Variants in CYTH3 observed in about 807,000 individuals in gnomAD.
CYTH3 encodes cytohesin-3.
Under a neutral mutation model 55.1 loss-of-function variants are expected in CYTH3, and 23 were observed. The observed-to-expected ratio is 0.42, with a 90% CI of 0.30 to 0.59. CYTH3 has a LOEUF of 0.59. Ranked by LOEUF, CYTH3 falls within the 20% of genes least tolerant of loss-of-function variation. The pLI, the probability that CYTH3 is intolerant of heterozygous loss-of-function variation, is 0.20. For missense variants in CYTH3, 413 were observed against 524.8 expected (o/e 0.79, Z 2.08); for synonymous variants, 249 against 194.9 (o/e 1.28, Z -2.31).
intron 9 of CYTH3, among the ~76,000 whole-genome samples, chr7:6,168,538 G>A (rs1226716194): frequency 6.6e-6 from 1 of 152,098 alleles, no homozygotes; most frequent in East Asian, 1.9e-4. Flanking sequence ...ACAGGGTGCT[G>A]GGAGAGGACA....
rs144116589 is a variant in CYTH3 at position 6,165,275 on chromosome 7, G to T, written c.1125C>A (p.Ile375=). 6.2e-7 allele frequency: 1 copy of T among 1,610,640 alleles called. No individual in the cohort carries two copies. The highest frequency in any genetic ancestry group is 8.5e-7 in the Non-Finnish European group (1 of 1,178,310). ...PEEKEEWMKS[I]KASISRDPFY... is the part of the protein sequence containing the mutation. ...CCCGCCCCCGAGGCCCCACTCACTT[G>T]ATGGATTTCATCCACTCCTCCTTCT... The change falls in exon 12 of 13, where the codon ATC becomes ATA. Residue 375 remains isoleucine, a splice_region_variant and synonymous_variant. Transcript: ENST00000350796.
At chr7:6,253,983 ACT>A (rs1236483144) in intron 1 of CYTH3, among the ~76,000 whole-genome samples, 2 of 149,818 alleles carry the variant, frequency 1.3e-5, no homozygotes, top group African/African-American at 2.5e-5. Flanking sequence ...ACAGAGTGAG[ACT>A]CTGTCTCAAA....
intron 5 of CYTH3, among the ~76,000 whole-genome samples, chr7:6,174,429 C>G (rs1318699769): frequency 2.0e-5 from 3 of 151,322 alleles, no homozygotes; most frequent in African/African-American, 7.3e-5. Context: ...CATTTTATAT[C>G]TTATCAGCAA....
At chr7:6,186,998 A>C in intron 4 of CYTH3, 52 bp downstream of exon 4, 1 of 1,575,350 alleles carries the variant, frequency 6.3e-7, no homozygotes, top group Non-Finnish European at 8.7e-7. Context: ...ACGGCAGTTC[A>C]AATCAATTAG....
At chr7:6,258,815 C>A (rs1274012446) in intron 1 of CYTH3, among the ~76,000 whole-genome samples, 1 of 152,112 alleles carries the variant, frequency 6.6e-6, no homozygotes, top group Admixed American at 6.5e-5. Flanking sequence ...TATCAGCCAC[C>A]CTAATTCTTG....
chr7:6,240,751 T>C (rs923528800), intron 1 of CYTH3, among the ~76,000 whole-genome samples: 15 of 152,036 alleles, frequency 9.9e-5, no homozygotes, highest in African/African-American at 3.6e-4. Flanking sequence ...ACAGATAACA[T>C]CGGCAAATTC....
chr7:6,259,743 AATATAT>A (rs1262355040), intron 1 of CYTH3, among the ~76,000 whole-genome samples: 2 of 36,192 alleles, frequency 5.5e-5, no homozygotes. Flanking sequence ...ACATATATAT[AATATAT>A]ATATATATTA....
intron 9 of CYTH3, among the ~76,000 whole-genome samples, chr7:6,168,150 G>A (rs562005104): frequency 5.3e-5 from 8 of 151,902 alleles, no homozygotes; most frequent in South Asian, 2.1e-4. Context: ...AGGCAGGCGC[G>A]TACGTGCACA....
intron 1 of CYTH3, among the ~76,000 whole-genome samples, chr7:6,255,914 C>T (rs1780091701): frequency 1.3e-5 from 2 of 151,848 alleles, no homozygotes; most frequent in South Asian, 2.1e-4. Flanking sequence ...CAGGTGCCCG[C>T]CACTACGCCC....
At chr7:6,184,467 T>C (rs997049329) in intron 4 of CYTH3, among the ~76,000 whole-genome samples, 3 of 152,246 alleles carry the variant, frequency 2.0e-5, no homozygotes, top group African/African-American at 7.2e-5. Flanking sequence ...TGACACACGG[T>C]ATATATAAAA....
intron 1 of CYTH3, among the ~76,000 whole-genome samples, chr7:6,267,713 G>A (rs992519989): frequency 2.6e-5 from 4 of 152,140 alleles, no homozygotes; most frequent in East Asian, 1.9e-4. Flanking sequence ...TAGTAGAGAC[G>A]GGGTTTCACC....
intron 1 of CYTH3, among the ~76,000 whole-genome samples, chr7:6,256,609 G>A (rs1416173572): frequency 1.3e-5 from 2 of 152,220 alleles, no homozygotes; most frequent in South Asian, 2.1e-4. Context: ...AAAAAGTGGG[G>A]AGCGGTGGAA....
At chr7:6,255,524 C>G (rs1009861666) in intron 1 of CYTH3, among the ~76,000 whole-genome samples, 1 of 152,100 alleles carries the variant, frequency 6.6e-6, no homozygotes, top group Non-Finnish European at 1.5e-5. Flanking sequence ...TGATGCATCC[C>G]AACAGAGTCG....
At chr7:6,190,975 G>A (rs1228735337) in intron 1 of CYTH3, among the ~76,000 whole-genome samples, 1 of 151,990 alleles carries the variant, frequency 6.6e-6, no homozygotes, top group Non-Finnish European at 1.5e-5. Context: ...TACTCGGGAG[G>A]CTGAGGCAGG....
intron 1 of CYTH3, among the ~76,000 whole-genome samples, chr7:6,196,771 T>C (rs899709772): frequency 6.6e-6 from 1 of 152,200 alleles, no homozygotes; most frequent in Non-Finnish European, 1.5e-5. Flanking sequence ...GCATCTTATT[T>C]CAATATGGCA....
At chr7:6,257,572 A>C (rs939933102) in intron 1 of CYTH3, among the ~76,000 whole-genome samples, 9 of 152,204 alleles carry the variant, frequency 5.9e-5, no homozygotes, top group Non-Finnish European at 1.2e-4. Context: ...TGTTTTATTA[A>C]AAGGGGAGAA....
intron 1 of CYTH3, among the ~76,000 whole-genome samples, chr7:6,211,838 T>C (rs1784325620): frequency 6.6e-6 from 1 of 151,796 alleles, no homozygotes; most frequent in African/African-American, 2.4e-5. Context: ...ATACAAAAAT[T>C]AGTCAGGTGT....
In CYTH3 at chr7:6,207,829, A is replaced by C. The variant is rs1349465946; in HGVS notation, c.35-17298T>G. ...CCTGGGTGCAGTGGTATATGCCTGT[A>C]ATCCCAGCTACTTGGGAGGCTGAGG... is the stretch of plus-strand genomic sequence containing the variant. On this transcript the variant is annotated intron_variant, in intron 1 of 12. Coordinates refer to ENST00000350796, the MANE Select transcript of CYTH3 (RefSeq NM_004227.4). Among the ~76,000 whole-genome samples the C allele has an allele frequency of 3.3e-5, 5 of 151,808 alleles. No individual in the cohort carries two copies. The South Asian group carries it at 8.3e-4, about 25-fold the overall frequency.
chr7:6,202,164 G>T (rs1784071296), intron 1 of CYTH3, among the ~76,000 whole-genome samples: 1 of 152,188 alleles, frequency 6.6e-6, no homozygotes, highest in African/African-American at 2.4e-5. Flanking sequence ...AGGCCTCAAG[G>T]TCTTGTCCCT....
Sources: gnomAD v4.1 joint callset for allele counts (sites outside exome capture counted in the v4.1 genomes callset) on GRCh38, gnomAD v4.1.1 for gene constraint, MANE v1.5 for transcripts, NCBI Gene and HGNC (gene_info 2026-07-23, HGNC 2026-07-21) for gene names.